The following CD200R1 variants were observed in gnomAD, a reference collection of about 807,000 sequenced individuals.
CD200R1 encodes CD200 receptor 1.
In CD200R1, 30 loss-of-function variants were observed where a neutral mutation model predicts 38.1. That is an observed-to-expected ratio of 0.79 (90% confidence interval 0.59 to 1.07). The LOEUF is 1.07. CD200R1 is among the 50% of genes least tolerant of loss of function. CD200R1 has a pLI of 0.00. For missense variants in CD200R1, 372 were observed against 415.4 expected (o/e 0.90, Z 0.91); for synonymous variants, 128 against 152.1 (o/e 0.84, Z 1.16).
chr3:112,960,173 A>T (rs1932979907), intron 1 of CD200R1, among the ~76,000 whole-genome samples: 1 of 152,032 alleles, frequency 6.6e-6, no homozygotes, highest in Non-Finnish European at 1.5e-5. Context: ...AGCTACACTA[A>T]GCATATGGCT....
chr3:112,949,246 G>A lies in CD200R1; in HGVS notation c.68-1322C>T, dbSNP rs533827417. Among the ~76,000 whole-genome samples the A allele has an allele frequency of 2.0e-5, 3 of 152,320 alleles. No homozygotes were observed. The South Asian group carries it at 6.2e-4, about 32-fold the overall frequency. On this transcript the variant is annotated intron_variant, in intron 1 of 7. Coordinates refer to ENST00000308611, the MANE Select transcript of CD200R1 (RefSeq NM_138806.4). ...TAACTGTGCAAGGCACAAAGCTCCT[G>A]GAATGTGTTCACAAGGAAAAGATAC...
At position 112,933,703 on chromosome 3, in the gene CD200R1, T is replaced by C. The variant is rs114523167; in HGVS notation, c.137-2532A>G. Among the ~76,000 whole-genome samples, 238 of 151,764 alleles carry C rather than the reference T, an allele frequency of 1.6e-3. 1 individual carries two copies. Among genetic ancestry groups the C allele is most frequent in the Non-Finnish European group, 2.5e-3 (167 of 67,918 alleles). Reference sequence around the variant, plus strand: ...AAATAATAATCTTAAGGAAACTCAATGAGATAAAAGAGAATACAGATAAAC... The same window carrying C: ...AAATAATAATCTTAAGGAAACTCAACGAGATAAAAGAGAATACAGATAAAC... On this transcript the variant is annotated intron_variant, in intron 2 of 7. Transcript: ENST00000308611.
intron 1 of CD200R1, 96 bp downstream of exon 1, chr3:112,974,695 T>C: frequency 1.2e-6 from 1 of 801,336 alleles, no homozygotes; most frequent in Non-Finnish European, 2.2e-6. Flanking sequence ...ATTATTGCAA[T>C]TGATTTGTAT....
Position 112,921,870 on chromosome 3 carries a change from G to A in CD200R1, c.*1807C>T, listed in dbSNP as rs1051407696. 1.3e-5 allele frequency: 2 copies of A among 152,018 alleles called. No individual in the cohort carries two copies. The highest frequency in any genetic ancestry group is 4.8e-5 in the African/African-American group (2 of 41,422). The allele number at this position is 152,018 out of a possible 1,614,324, so 9.4% of individuals were successfully genotyped here. ...ATTATCAAGTTAAGAGGTAAGCATA[G>A]TACTGTCTTACTTTGTTTTTCAGTA... On this transcript the variant is annotated 3_prime_UTR_variant, in exon 8 of 8. Transcript: ENST00000308611.
At position 112,929,474 on chromosome 3, in the gene CD200R1, T is replaced by C; in HGVS notation, c.236A>G (p.Asn79Ser). ...GATAGGAGGGCAACAAAGCACAGCATTTGTAGCCATCTTTACAGGCCATGA... is the reference window on the plus strand; with the variant it reads ...GATAGGAGGGCAACAAAGCACAGCACTTGTAGCCATCTTTACAGGCCATGA... ...NTSWPVKMATNAVLCCPPIAL... is the reference protein window; with the variant it reads ...NTSWPVKMATSAVLCCPPIAL... Residue 79 changes from asparagine to serine, a missense_variant, in exon 4 of 8, where the codon AAT becomes AGT. Transcript: ENST00000308611. 1 of 1,613,740 alleles carries C rather than the reference T, an allele frequency of 6.2e-7. No homozygotes were observed. Among genetic ancestry groups the C allele is most frequent in the South Asian group, 1.1e-5 (1 of 91,068 alleles).
In CD200R1 at chr3:112,926,842, G is replaced by A. The variant is rs533743951; in HGVS notation, c.770-1649C>T. Reference sequence around the variant, plus strand: ...AAGACAAGAACAGATGAAAGATTTCGAACTGTTTTTAAGTGAGAAATGAAT... The same window carrying A: ...AAGACAAGAACAGATGAAAGATTTCAAACTGTTTTTAAGTGAGAAATGAAT... On this transcript the variant is annotated intron_variant, in intron 5 of 7. Transcript: ENST00000308611. 2.2e-3 allele frequency among the ~76,000 whole-genome samples: 327 copies of A among 151,514 alleles called. 4 individuals are homozygous for A. The highest frequency in any genetic ancestry group is 0.017 in the Admixed American group (258 of 15,198).
intron 1 of CD200R1, among the ~76,000 whole-genome samples, chr3:112,959,096 A>T (rs536585974): frequency 6.6e-6 from 1 of 152,294 alleles, no homozygotes; most frequent in South Asian, 2.1e-4. Flanking sequence ...TCTAAAAAAA[A>T]CTTAGAGATA....
chr3:112,961,998 G>A (rs1202079818), intron 1 of CD200R1, among the ~76,000 whole-genome samples: 1 of 152,076 alleles, frequency 6.6e-6, no homozygotes, highest in East Asian at 1.9e-4. Flanking sequence ...AAAGTAGGAA[G>A]TTTCAAAACA....
intron 1 of CD200R1, 139 bp downstream of exon 1, chr3:112,974,652 G>A (rs558027767): frequency 1.2e-4 from 76 of 659,378 alleles, no homozygotes; most frequent in Non-Finnish European, 1.8e-4. Flanking sequence ...ACTAGATATG[G>A]GAGTAACCCA....
chr3:112,940,806 T>C (rs1031016763), intron 2 of CD200R1, among the ~76,000 whole-genome samples: 14 of 151,872 alleles, frequency 9.2e-5, no homozygotes, highest in Non-Finnish European at 1.3e-4. Context: ...TAAACATTTA[T>C]TCAAAGGAAA....
intron 2 of CD200R1, among the ~76,000 whole-genome samples, chr3:112,935,971 C>G (rs773288414): frequency 3.9e-5 from 6 of 152,158 alleles, no homozygotes; most frequent in Non-Finnish European, 7.4e-5. Context: ...CTCTGACAGG[C>G]TCCAGTGTGT....
chr3:112,924,936 T>C (rs1336220205), intron 6 of CD200R1, 149 bp downstream of exon 6: 3 of 623,394 alleles, frequency 4.8e-6, no homozygotes, highest in South Asian at 3.9e-5. Context: ...TCATTCAAAG[T>C]AGTCCAAGTC....
rs560807824 is a variant in CD200R1 at position 112,950,648 on chromosome 3, C to T, written c.68-2724G>A. The stretch of plus-strand genomic sequence containing the variant: ...TCTTTGCAAGTGCACATCGTATATT[C>T]GCTGAGTTTGGCCACATTCTGTGCC... On this transcript the variant is annotated intron_variant, in intron 1 of 7. Coordinates refer to ENST00000308611, the MANE Select transcript of CD200R1 (RefSeq NM_138806.4). Among the ~76,000 whole-genome samples, 6 of 152,146 alleles carry T rather than the reference C, an allele frequency of 3.9e-5. No individual in the cohort carries two copies. The East Asian group carries it at 1.2e-3, about 29-fold the overall frequency.
At chr3:112,954,061 T>G (rs1941032021) in intron 1 of CD200R1, among the ~76,000 whole-genome samples, 1 of 152,190 alleles carries the variant, frequency 6.6e-6, no homozygotes, top group Non-Finnish European at 1.5e-5. Flanking sequence ...TGTAGGCACT[T>G]ATTGCTATAA....
At chr3:112,948,000 T>C (rs1437534540) in intron 1 of CD200R1, 76 bp from the exon 2 acceptor site, 3 of 910,358 alleles carry the variant, frequency 3.3e-6, no homozygotes, top group Admixed American at 3.6e-5. Context: ...TAAAATCATA[T>C]TTTTTCACAT....
intron 2 of CD200R1, among the ~76,000 whole-genome samples, chr3:112,945,781 G>A (rs993247530): frequency 9.9e-5 from 15 of 152,118 alleles, no homozygotes; most frequent in Admixed American, 2.0e-4. Flanking sequence ...TGTAATCACA[G>A]CACTTTGGAA....
At chr3:112,935,791 T>C (rs1439005911) in intron 2 of CD200R1, among the ~76,000 whole-genome samples, 1 of 152,194 alleles carries the variant, frequency 6.6e-6, no homozygotes, top group Non-Finnish European at 1.5e-5. Flanking sequence ...AGTTTTGTTT[T>C]TTCTGTTTGC....
At chr3:112,949,297 T>C (rs1022898587) in intron 1 of CD200R1, among the ~76,000 whole-genome samples, 1 of 152,264 alleles carries the variant, frequency 6.6e-6, no homozygotes, top group Non-Finnish European at 1.5e-5. Context: ...ATAGTGAGTG[T>C]ATCTGACTGG....
At chr3:112,970,733 A>T (rs906478653) in intron 1 of CD200R1, among the ~76,000 whole-genome samples, 3 of 152,186 alleles carry the variant, frequency 2.0e-5, no homozygotes, top group Non-Finnish European at 4.4e-5. Flanking sequence ...GAGGAAATTT[A>T]TCTACGGTAA....
Sources: gnomAD v4.1 joint callset for allele counts (sites outside exome capture counted in the v4.1 genomes callset) on GRCh38, gnomAD v4.1.1 for gene constraint, MANE v1.5 for transcripts, NCBI Gene and HGNC (gene_info 2026-07-23, HGNC 2026-07-21) for gene names.